The following ELMO1 variants were observed in gnomAD, a reference collection of about 807,000 sequenced individuals.
ELMO1 encodes engulfment and cell motility 1.
A neutral mutation model predicts 98.9 loss-of-function variants in ELMO1; 26 were observed. That is an observed-to-expected ratio of 0.26 (90% CI 0.19 to 0.36). The LOEUF is 0.36. ELMO1 is among the 10% of genes least tolerant of loss of function. The pLI is 1.00. For synonymous variants in ELMO1, 346 were observed against 346.0 expected, an observed-to-expected ratio of 1.00 and a Z score of 0.00; for missense variants, 627 against 935.2, an observed-to-expected ratio of 0.67 and a Z score of 4.30.
chr7:37,447,410 C>G (rs1010934155), intron 1 of ELMO1, among the ~76,000 whole-genome samples: 5 of 151,992 alleles, frequency 3.3e-5, no homozygotes, highest in African/African-American at 1.2e-4. Context: ...CATGATCCAG[C>G]GCGGGGGGCA....
chr7:36,898,082 A>T (rs928083760), intron 16 of ELMO1, among the ~76,000 whole-genome samples: 10 of 152,220 alleles, frequency 6.6e-5, no homozygotes, highest in African/African-American at 2.4e-4. Context: ...GTATCATTAA[A>T]TTTTTTAAGA....
chr7:37,425,533 C>A (rs550011913), intron 1 of ELMO1, among the ~76,000 whole-genome samples: 92 of 152,200 alleles, frequency 6.0e-4, no homozygotes, highest in Non-Finnish European at 8.4e-4. Flanking sequence ...CACTAATTCC[C>A]AGCATGCTTG....
chr7:36,896,934 G>A (rs1050044730), intron 16 of ELMO1, among the ~76,000 whole-genome samples: 2 of 152,270 alleles, frequency 1.3e-5, no homozygotes, highest in South Asian at 2.1e-4. Context: ...GACATGGTGA[G>A]AGACAAAGAT....
intron 1 of ELMO1, among the ~76,000 whole-genome samples, chr7:37,386,303 GA>G (rs754837643): frequency 2.0e-5 from 3 of 152,016 alleles, no homozygotes; most frequent in African/African-American, 4.8e-5. Flanking sequence ...ACTAGGTTTG[GA>G]AAATGGGCAG....
chr7:36,950,217 A>G (rs527575287), intron 16 of ELMO1, among the ~76,000 whole-genome samples: 1 of 152,304 alleles, frequency 6.6e-6, no homozygotes, highest in African/African-American at 2.4e-5. Flanking sequence ...GACTGGGTGG[A>G]TTGACTGGCA....
chr7:37,304,380 T>C (rs1798497754), intron 4 of ELMO1, among the ~76,000 whole-genome samples: 1 of 152,086 alleles, frequency 6.6e-6, no homozygotes, highest in Non-Finnish European at 1.5e-5. Flanking sequence ...TGTGTGTACA[T>C]ATGCACTTCA....
At chr7:37,170,764 G>C (rs975001250) in intron 13 of ELMO1, among the ~76,000 whole-genome samples, 7 of 151,874 alleles carry the variant, frequency 4.6e-5, no homozygotes, top group Admixed American at 2.6e-4. Context: ...GTGCCACCTT[G>C]CTGGGCTAAT....
intron 15 of ELMO1, among the ~76,000 whole-genome samples, chr7:37,056,969 T>C (rs541970036): frequency 1.3e-5 from 2 of 152,302 alleles, no homozygotes; most frequent in Admixed American, 6.5e-5. Flanking sequence ...ATAATTAATG[T>C]AAAAATTCTT....
At chr7:37,389,231 G>A (rs148263926) in intron 1 of ELMO1, among the ~76,000 whole-genome samples, 4 of 152,106 alleles carry the variant, frequency 2.6e-5, no homozygotes, top group African/African-American at 9.7e-5. Flanking sequence ...ACCCAAACCC[G>A]GCAATTCCTT....
chr7:37,401,489 G>A (rs367799505), intron 1 of ELMO1, among the ~76,000 whole-genome samples: 1 of 152,118 alleles, frequency 6.6e-6, no homozygotes, highest in Admixed American at 6.5e-5. Flanking sequence ...CTGCTATAAC[G>A]ACATACCCAA....
chr7:37,256,871 C>T (rs1006153978), intron 6 of ELMO1, among the ~76,000 whole-genome samples: 2 of 152,070 alleles, frequency 1.3e-5, no homozygotes, highest in African/African-American at 4.8e-5. Context: ...TCAATTCATT[C>T]TTTGTATTAC....
chr7:37,246,506 G>A (rs1795013122), intron 6 of ELMO1, among the ~76,000 whole-genome samples: 1 of 152,124 alleles, frequency 6.6e-6, no homozygotes, highest in African/African-American at 2.4e-5. Context: ...GCCATCAACA[G>A]GACGAAATGG....
intron 15 of ELMO1, among the ~76,000 whole-genome samples, chr7:37,076,170 C>T (rs1045496591): frequency 2.0e-5 from 3 of 152,178 alleles, no homozygotes; most frequent in African/African-American, 4.8e-5. Flanking sequence ...CATTTCGTTA[C>T]CCCCTGATGA....
At chr7:37,083,724 C>G (rs1276192323) in intron 15 of ELMO1, among the ~76,000 whole-genome samples, 1 of 152,204 alleles carries the variant, frequency 6.6e-6, no homozygotes, top group African/African-American at 2.4e-5. Flanking sequence ...GAGCTCACTC[C>G]AGAGAGACAG....
At chr7:36,879,452 C>T (rs1337669450) in intron 18 of ELMO1, among the ~76,000 whole-genome samples, 1 of 152,246 alleles carries the variant, frequency 6.6e-6, no homozygotes, top group Admixed American at 6.5e-5. Flanking sequence ...GCCACTCTAA[C>T]TAAAAAGCTC....
intron 13 of ELMO1, among the ~76,000 whole-genome samples, chr7:37,184,848 A>G (rs936963873): frequency 1.1e-4 from 16 of 152,070 alleles, no homozygotes; most frequent in Admixed American, 5.9e-4. Flanking sequence ...GCAGTAAGCC[A>G]TGATCATGCC....
At chr7:37,400,942 C>T (rs1237733122) in intron 1 of ELMO1, among the ~76,000 whole-genome samples, 2 of 152,166 alleles carry the variant, frequency 1.3e-5, no homozygotes, top group Non-Finnish European at 2.9e-5. Flanking sequence ...GGACTTAGGA[C>T]AAGACTAATA....
intron 2 of ELMO1, among the ~76,000 whole-genome samples, chr7:37,318,389 C>T (rs866596913): frequency 8.5e-5 from 13 of 152,074 alleles, no homozygotes; most frequent in African/African-American, 3.1e-4. Flanking sequence ...TCTTAAATTA[C>T]ATTGAAACAA....
At chr7:37,265,555 C>A (rs1186260559) in intron 5 of ELMO1, among the ~76,000 whole-genome samples, 1 of 152,034 alleles carries the variant, frequency 6.6e-6, no homozygotes, top group Non-Finnish European at 1.5e-5. Flanking sequence ...CATGAGGCGT[C>A]CCTGTCCAGC....
Sources: allele counts gnomAD v4.1 joint callset (sites outside exome capture counted in the v4.1 genomes callset), GRCh38; gene constraint gnomAD v4.1.1; transcripts MANE v1.5; gene names NCBI Gene and HGNC (gene_info 2026-07-23, HGNC 2026-07-21).